Variants in WDR88 observed in about 807,000 individuals in gnomAD.
The protein encoded by WDR88 is WD repeat-containing protein 88.
WDR88 carries 40 observed loss-of-function variants against 46.8 expected under a neutral mutation model. The ratio of observed to expected loss-of-function variants is 0.86; its 90% CI spans 0.66 to 1.11. The LOEUF is 1.11. Among genes scored for constraint, WDR88 ranks in the 50% most tolerant of loss-of-function variants. The pLI is 0.00. For missense variants in WDR88, 562 were observed against 602.4 expected (o/e 0.93, Z 0.70); for synonymous variants, 235 against 240.7 (o/e 0.98, Z 0.22).
chr19:33,149,007 C>A, intron 5 of WDR88, 97 bp downstream of exon 5: 1 of 1,552,708 alleles, frequency 6.4e-7, no homozygotes, highest in Non-Finnish European at 8.8e-7. Flanking sequence ...TTTGGTGAAA[C>A]TGTAATGGTA....
Position 33,156,557 on chromosome 19 carries a change from TG to T in WDR88, c.997+16del. ...TGCCAGAGACAGTGAGTAATTAACA[TG>T]CAGAAGGCCTCCATTCCTGTGGGAG... On this transcript the variant is annotated intron_variant, in intron 7 of 10. Transcript: ENST00000355868. 1 of 1,607,316 alleles carries T rather than the reference TG, an allele frequency of 6.2e-7. No individual in the cohort carries two copies. The highest frequency in any genetic ancestry group is 8.5e-7 in the Non-Finnish European group (1 of 1,176,028).
intron 10 of WDR88, chr19:33,174,267 G>A: frequency 6.5e-7 from 1 of 1,535,318 alleles, no homozygotes; most frequent in Non-Finnish European, 8.7e-7. Flanking sequence ...TGAGAAGCCT[G>A]AGGCCAGGCT....
At position 33,175,458 on chromosome 19, in the gene WDR88, C is replaced by G; in HGVS notation, c.1305C>G (p.Thr435=). 1 of 1,614,130 alleles carries G rather than the reference C, an allele frequency of 6.2e-7. No homozygotes were observed. The highest frequency in any genetic ancestry group is 8.5e-7 in the Non-Finnish European group (1 of 1,180,030). The change falls in exon 11 of 11, where the codon ACC becomes ACG. Residue 435 remains threonine (T), a synonymous_variant. Coordinates refer to ENST00000355868, the MANE Select transcript of WDR88 (RefSeq NM_173479.4). ...GTGACACCTCTTCTGAAATGTTCAC[C>G]CAATGCGTGTTCTGCCGGATAGATA... ...FKSDTSSEMF[T]QCVFCRIDTR...
intron 8 of WDR88, among the ~76,000 whole-genome samples, chr19:33,160,710 C>T (rs1025024218): frequency 6.6e-5 from 10 of 152,110 alleles, no homozygotes; most frequent in Admixed American, 2.0e-4. Context: ...GGGACAGAGG[C>T]GGGGGACCCA....
In WDR88 at chr19:33,137,619, G is replaced by A. The variant is rs75464585; in HGVS notation, c.277-58G>A. On this transcript the variant is annotated intron_variant, in intron 1 of 10. Coordinates refer to ENST00000355868, the MANE Select transcript of WDR88 (RefSeq NM_173479.4). ...GTGTTTAGAAATATAATTAACTGTT[G>A]TACATTGATTTTGTGTCCTGCAACA... 1.5e-3 allele frequency: 2,029 copies of A among 1,393,796 alleles called. 28 individuals carry two copies. In the African/African-American group the frequency reaches 0.025, roughly 17 times the overall value. 86.3% of individuals were successfully genotyped at this position (1,393,796 alleles called of 1,614,324 possible).
rs138276928 is a variant in WDR88 at position 33,133,274 on chromosome 19, G to A, written c.276+829G>A. 3.3e-5 allele frequency among the ~76,000 whole-genome samples: 5 copies of A among 152,144 alleles called. No individual in the cohort carries two copies. In the East Asian group the frequency reaches 9.7e-4, roughly 29 times the overall value. On this transcript the variant is annotated intron_variant, in intron 1 of 10. Transcript: ENST00000355868. ...AGAAAGAAAGAAAAACTGGCTGGGTGCAGTGGCTCATGTCTGTAATCCCAG... is the reference window on the plus strand; with the variant it reads ...AGAAAGAAAGAAAAACTGGCTGGGTACAGTGGCTCATGTCTGTAATCCCAG...
At chr19:33,148,994 T>C in intron 5 of WDR88, 84 bp downstream of exon 5, 1 of 1,581,338 alleles carries the variant, frequency 6.3e-7, no homozygotes, top group South Asian at 1.1e-5. Flanking sequence ...TTCCATTGCT[T>C]TATTTGGTGA....
At chr19:33,142,995 T>TG (rs1973432231) in intron 2 of WDR88, among the ~76,000 whole-genome samples, 1 of 150,852 alleles carries the variant, frequency 6.6e-6, no homozygotes, top group Non-Finnish European at 1.5e-5. Flanking sequence ...CCCTTGCCCC[T>TG]GGGGTCTCTC....
chr19:33,175,267 A>T, intron 10 of WDR88, 129 bp from the exon 11 acceptor site: 2 of 1,055,246 alleles, frequency 1.9e-6, no homozygotes, highest in Admixed American at 2.4e-5. Flanking sequence ...AAACAAACCA[A>T]AAAGAGATTC....
chr19:33,136,901 A>G (rs902286626), intron 1 of WDR88, among the ~76,000 whole-genome samples: 6 of 151,228 alleles, frequency 4.0e-5, no homozygotes, highest in Non-Finnish European at 7.4e-5. Context: ...TTGGAGATAT[A>G]TCTATTCAAA....
chr19:33,140,199 G>A (rs1042958844), intron 2 of WDR88, among the ~76,000 whole-genome samples: 1 of 152,194 alleles, frequency 6.6e-6, no homozygotes, highest in African/African-American at 2.4e-5. Context: ...CTGTCACCCA[G>A]GCTGGAGTGC....
chr19:33,163,627 T>G (rs190843842), intron 8 of WDR88, among the ~76,000 whole-genome samples: 28 of 151,546 alleles, frequency 1.8e-4, no homozygotes, highest in Non-Finnish European at 3.1e-4. Context: ...TACAATGAGC[T>G]GCTCTGCTCT....
chr19:33,171,474 C>G (rs1974037408), intron 9 of WDR88, among the ~76,000 whole-genome samples: 1 of 152,072 alleles, frequency 6.6e-6, no homozygotes, highest in Non-Finnish European at 1.5e-5. Flanking sequence ...TATTTAGTTG[C>G]AACTGCTGAA....
chr19:33,174,311 C>A (rs751329072), intron 10 of WDR88: 7 of 1,522,210 alleles, frequency 4.6e-6, no homozygotes, highest in Non-Finnish European at 6.2e-6. Flanking sequence ...GGTTTACCCC[C>A]CTCTCCAGCA....
intron 9 of WDR88, among the ~76,000 whole-genome samples, chr19:33,165,808 G>A (rs528449201): frequency 4.4e-4 from 66 of 151,194 alleles, no homozygotes; most frequent in African/African-American, 1.6e-3. Flanking sequence ...CAGGAGAATT[G>A]CTTGAACCCG....
intron 9 of WDR88, among the ~76,000 whole-genome samples, chr19:33,168,989 T>C (rs997231426): frequency 3.3e-5 from 5 of 152,166 alleles, no homozygotes; most frequent in African/African-American, 9.7e-5. Context: ...GACCATTCAA[T>C]GGAGAAAGGG....
At chr19:33,169,431 A>G (rs891652786) in intron 9 of WDR88, among the ~76,000 whole-genome samples, 3 of 152,130 alleles carry the variant, frequency 2.0e-5, no homozygotes, top group African/African-American at 7.2e-5. Context: ...TGGGCAAAAG[A>G]CTCGAATAGG....
chr19:33,165,786 G>A (rs546826145), intron 9 of WDR88, among the ~76,000 whole-genome samples: 33 of 151,838 alleles, frequency 2.2e-4, no homozygotes, highest in South Asian at 1.5e-3. Context: ...CCAGCTACTC[G>A]GGAGGCTGAG....
At chr19:33,159,922 C>A (rs1471522996) in intron 7 of WDR88, among the ~76,000 whole-genome samples, 1 of 151,906 alleles carries the variant, frequency 6.6e-6, no homozygotes, top group Non-Finnish European at 1.5e-5. Context: ...ATGGTCCCAT[C>A]TGGGGGTGAT....
Sources: allele counts gnomAD v4.1 joint callset (sites outside exome capture counted in the v4.1 genomes callset), GRCh38; gene constraint gnomAD v4.1.1; transcripts MANE v1.5; gene names NCBI Gene and HGNC (gene_info 2026-07-23, HGNC 2026-07-21).